The following TAX1BP1 variants were observed in gnomAD, a reference collection of about 807,000 sequenced individuals.
TAX1BP1 encodes tax1-binding protein 1.
TAX1BP1 carries 62 observed loss-of-function variants against 97.7 expected under a neutral mutation model. That is an observed-to-expected ratio of 0.63 (90% CI 0.52 to 0.78). The LOEUF is 0.78. Among genes scored for constraint, TAX1BP1 ranks in the 30% least tolerant of loss-of-function variants. The pLI is 0.00. For missense variants in TAX1BP1, 867 were observed against 916.1 expected, an observed-to-expected ratio of 0.95 and a Z score of 0.69; for synonymous variants, 340 against 304.2, an observed-to-expected ratio of 1.12 and a Z score of -1.23.
intron 13 of TAX1BP1, chr7:27,802,979 AT>A (rs1356589507): frequency 1.6e-5 from 14 of 854,272 alleles, no homozygotes; most frequent in Non-Finnish European, 2.2e-5. Flanking sequence ...AAGTCAAAGA[AT>A]TAGCTGAGGA....
In TAX1BP1 at chr7:27,768,560, G is replaced by T. The variant is rs73295558; in HGVS notation, c.454-1116G>T. On this transcript the variant is annotated intron_variant, in intron 4 of 16. Transcript: ENST00000396319. ...TTTATTTTTAAGTTGCCAGAGTTTTGAGCCAGATTTAATGCCAAATTAATA... is the reference window on the plus strand; with the variant it reads ...TTTATTTTTAAGTTGCCAGAGTTTTTAGCCAGATTTAATGCCAAATTAATA... Among the ~76,000 whole-genome samples, 968 of 151,972 alleles carry T rather than the reference G, an allele frequency of 6.4e-3. 13 individuals carry two copies. Among genetic ancestry groups the T allele is most frequent in the African/African-American group, 0.022 (931 of 41,520 alleles).
At chr7:27,759,251 T>C (rs1316834154) in intron 3 of TAX1BP1, among the ~76,000 whole-genome samples, 12 of 152,174 alleles carry the variant, frequency 7.9e-5, no homozygotes, top group Admixed American at 7.9e-4. Flanking sequence ...ATTTTTGATA[T>C]ATTAATACAT....
intron 13 of TAX1BP1, among the ~76,000 whole-genome samples, chr7:27,811,299 G>A (rs1186435845): frequency 3.3e-5 from 5 of 152,168 alleles, no homozygotes; most frequent in Non-Finnish European, 7.4e-5. Flanking sequence ...ATGTGGACGT[G>A]TATGTTATGT....
chr7:27,801,807 C>A (rs1198832618), intron 13 of TAX1BP1, among the ~76,000 whole-genome samples: 1 of 152,144 alleles, frequency 6.6e-6, no homozygotes, highest in Non-Finnish European at 1.5e-5. Context: ...TATTTAGTTT[C>A]TTTTGCCCTA....
intron 2 of TAX1BP1, among the ~76,000 whole-genome samples, chr7:27,750,718 A>G (rs1787987949): frequency 6.6e-6 from 1 of 152,164 alleles, no homozygotes; most frequent in Non-Finnish European, 1.5e-5. Flanking sequence ...TTTCCTGCAG[A>G]CTACTTGTTT....
intron 5 of TAX1BP1, among the ~76,000 whole-genome samples, chr7:27,776,659 G>T (rs1024074074): frequency 6.6e-6 from 1 of 151,452 alleles, no homozygotes; most frequent in African/African-American, 2.4e-5. Flanking sequence ...TGACCTTTTT[G>T]TATCTGTATA....
intron 3 of TAX1BP1, among the ~76,000 whole-genome samples, chr7:27,762,629 T>A (rs1332335736): frequency 1.3e-5 from 2 of 152,140 alleles, no homozygotes. Context: ...GAGAAAAGCA[T>A]CCAGTTTATT....
intron 4 of TAX1BP1, among the ~76,000 whole-genome samples, chr7:27,768,182 A>G (rs1788712629): frequency 1.3e-5 from 2 of 152,024 alleles, no homozygotes; most frequent in Admixed American, 6.5e-5. Flanking sequence ...GCTCTGAAGT[A>G]TTTAGGAGTG....
chr7:27,772,762 T>A (rs1355148798), intron 5 of TAX1BP1, among the ~76,000 whole-genome samples: 1 of 152,086 alleles, frequency 6.6e-6, no homozygotes, highest in Non-Finnish European at 1.5e-5. Flanking sequence ...TTTTTAATGT[T>A]ATTTTATGAA....
At chr7:27,798,164 C>T (rs1273847667) in intron 12 of TAX1BP1, among the ~76,000 whole-genome samples, 1 of 152,104 alleles carries the variant, frequency 6.6e-6, no homozygotes, top group Non-Finnish European at 1.5e-5. Context: ...CATATTATTG[C>T]ATATATTTAT....
chr7:27,795,644 C>T (rs1472309508), intron 11 of TAX1BP1, among the ~76,000 whole-genome samples: 2 of 152,158 alleles, frequency 1.3e-5, no homozygotes, highest in Non-Finnish European at 2.9e-5. Context: ...CCTCTGCCTT[C>T]TGGGTTCAAG....
chr7:27,827,422 G>C (rs1415504499), intron 15 of TAX1BP1, among the ~76,000 whole-genome samples: 1 of 151,766 alleles, frequency 6.6e-6, no homozygotes, highest in Non-Finnish European at 1.5e-5. Flanking sequence ...AGTTACCTAC[G>C]TATATAGGTT....
intron 2 of TAX1BP1, among the ~76,000 whole-genome samples, chr7:27,753,487 T>C (rs1433295199): frequency 6.6e-6 from 1 of 152,226 alleles, no homozygotes. Context: ...AGATTTATGC[T>C]TAGTACAAAT....
chr7:27,814,506 G>A (rs1404002526), intron 13 of TAX1BP1, among the ~76,000 whole-genome samples: 1 of 152,004 alleles, frequency 6.6e-6, no homozygotes, highest in African/African-American at 2.4e-5. Flanking sequence ...CCATGAACAT[G>A]TTATATGTCT....
chr7:27,744,165 C>T (rs972828646), intron 1 of TAX1BP1, among the ~76,000 whole-genome samples: 4 of 152,052 alleles, frequency 2.6e-5, no homozygotes, highest in African/African-American at 7.2e-5. Flanking sequence ...CTCGCTGTCA[C>T]CCAGGCTGGA....
At position 27,820,281 on chromosome 7, in the gene TAX1BP1, T is replaced by G. The variant is rs73297536; in HGVS notation, c.2085+3243T>G. ...ATTAATATGTGGCTTATTTGAAACT[T>G]TTCACATGAGCCCTTCACTGTGAAC... is the stretch of plus-strand genomic sequence containing the variant. On this transcript the variant is annotated intron_variant, in intron 15 of 16. Coordinates refer to ENST00000396319, the MANE Select transcript of TAX1BP1 (RefSeq NM_006024.7). Among the ~76,000 whole-genome samples the G allele has an allele frequency of 7.5e-3, 1,140 of 152,326 alleles. 15 individuals are homozygous for G. The highest frequency in any genetic ancestry group is 0.026 in the African/African-American group (1,095 of 41,570).
At chr7:27,806,088 G>GT (rs70974502) in intron 13 of TAX1BP1, among the ~76,000 whole-genome samples, 39,553 of 142,470 alleles carry the variant, frequency 0.28, 5,722 homozygotes, top group African/African-American at 0.38. Context: ...TAGAGTTTCA[G>GT]TTTTTTTTTT....
chr7:27,827,983 G>A (rs555631647), intron 16 of TAX1BP1, among the ~76,000 whole-genome samples, 163 bp downstream of exon 16: 5 of 152,308 alleles, frequency 3.3e-5, no homozygotes, highest in African/African-American at 1.2e-4. Context: ...CATGTCCTCC[G>A]ATTTAGGGAG....
chr7:27,765,782 A>G lies in TAX1BP1; in HGVS notation c.266-52A>G, dbSNP rs1237270395. On this transcript the variant is annotated intron_variant, in intron 3 of 16. Coordinates refer to ENST00000396319, the MANE Select transcript of TAX1BP1 (RefSeq NM_006024.7). ...GCAAGTATTGTTAAATTGAAATAAC[A>G]TGAATTTTATAATAGGAAGTTTAAT... The G allele has an allele frequency of 3.4e-6, 5 of 1,479,816 alleles. No individual in the cohort carries two copies. In the Admixed American group the frequency reaches 7.0e-5, roughly 21 times the overall value. The allele number at this position is 1,479,816 out of a possible 1,614,324, so 91.7% of individuals were successfully genotyped here. A position where few individuals can be genotyped will look rare whatever the true frequency, so the allele number is the denominator to read the frequency against.
Sources: gnomAD v4.1 joint callset for allele counts (sites outside exome capture counted in the v4.1 genomes callset) on GRCh38, gnomAD v4.1.1 for gene constraint, MANE v1.5 for transcripts, NCBI Gene and HGNC (gene_info 2026-07-23, HGNC 2026-07-21) for gene names.